ZZZ3: variants seen among roughly 807,000 people sequenced by gnomAD.
ZZZ3 encodes zinc finger ZZ-type containing 3, also known as ZZ-type zinc finger-containing protein 3.
Under a neutral mutation model 95.2 loss-of-function variants are expected in ZZZ3, and 22 were observed. The observed-to-expected ratio is 0.23, with a 90% CI of 0.17 to 0.33. The LOEUF is 0.33. ZZZ3 is among the 10% of genes least tolerant of loss of function. The pLI is 1.00. For missense variants in ZZZ3, 885 were observed against 1,066.5 expected (o/e 0.83, Z 2.37); for synonymous variants, 335 against 358.9 (o/e 0.93, Z 0.75).
intron 5 of ZZZ3, among the ~76,000 whole-genome samples, chr1:77,605,223 T>C (rs2100697304): frequency 6.6e-6 from 1 of 152,276 alleles, no homozygotes; most frequent in South Asian, 2.1e-4. Flanking sequence ...AGAAAATCTA[T>C]GATTAATGAG....
intron 5 of ZZZ3, among the ~76,000 whole-genome samples, chr1:77,601,128 T>C (rs1362059403): frequency 6.6e-6 from 1 of 152,108 alleles, no homozygotes; most frequent in Non-Finnish European, 1.5e-5. Context: ...AAAAGGTAAG[T>C]AGGGTGAATT....
chr1:77,593,133 G>T (rs556893354), intron 5 of ZZZ3, among the ~76,000 whole-genome samples: 24 of 152,240 alleles, frequency 1.6e-4, no homozygotes, highest in African/African-American at 5.5e-4. Flanking sequence ...ATCCTGAAAG[G>T]CTATACCTTA....
intron 1 of ZZZ3, among the ~76,000 whole-genome samples, chr1:77,666,149 A>G (rs1671234000): frequency 6.6e-6 from 1 of 152,270 alleles, no homozygotes; most frequent in South Asian, 2.1e-4. Flanking sequence ...AATGTAATTA[A>G]GTTAAGCAGC....
At chr1:77,580,479 T>C (rs1023447338) in intron 9 of ZZZ3, 2 of 152,274 alleles carry the variant, frequency 1.3e-5, no homozygotes, top group African/African-American at 4.8e-5. Flanking sequence ...CCCAGGTTCC[T>C]TCTTTTAAAA....
Position 77,632,509 on chromosome 1 carries a change from T to C in ZZZ3, c.846A>G (p.Ile282Met). Residue 282 changes from isoleucine to methionine, a missense_variant, in exon 5 of 15, where the codon ATA (isoleucine) becomes ATG (methionine). By Grantham distance (10) the Ile-to-Met change is conservative (BLOSUM62 1). Around this residue, in one of 5 missense-constraint regions of ZZZ3, gnomAD observed 556 missense variants for 652.9 expected, o/e 0.85. Coordinates refer to ENST00000370801, the MANE Select transcript of ZZZ3 (RefSeq NM_015534.6). ...QVQVKLEDHK[I>M]VTACLPVEHV... ...GTTCCACAGGCAAGCAGGCAGTTACTATTTTGTGGTCCTCCAACTTGACCT... is the reference window on the plus strand; with the variant it reads ...GTTCCACAGGCAAGCAGGCAGTTACCATTTTGTGGTCCTCCAACTTGACCT... The C allele has an allele frequency of 6.2e-7, 1 of 1,614,184 alleles. No individual in the cohort carries two copies. The highest frequency in any genetic ancestry group is 1.1e-5 in the South Asian group (1 of 91,086).
chr1:77,650,525 G>A (rs566704477), intron 1 of ZZZ3, among the ~76,000 whole-genome samples: 3 of 152,016 alleles, frequency 2.0e-5, no homozygotes, highest in African/African-American at 7.2e-5. Context: ...AGTCAAAGAA[G>A]AAATCAAAGG....
At chr1:77,583,584 AT>A (rs1345212705) in intron 6 of ZZZ3, among the ~76,000 whole-genome samples, 1 of 152,186 alleles carries the variant, frequency 6.6e-6, no homozygotes, top group Non-Finnish European at 1.5e-5. Context: ...ACCTAGGAAA[AT>A]TCAAATAATA....
chr1:77,679,247 C>G (rs1672533892), intron 1 of ZZZ3, among the ~76,000 whole-genome samples: 2 of 152,124 alleles, frequency 1.3e-5, no homozygotes, highest in Admixed American at 1.3e-4. Context: ...TGAAACTCTT[C>G]TAGCAACTAT....
chr1:77,671,156 C>T (rs1352681721), intron 1 of ZZZ3, among the ~76,000 whole-genome samples: 1 of 152,132 alleles, frequency 6.6e-6, no homozygotes, highest in Admixed American at 6.5e-5. Context: ...TGAAATCCTC[C>T]TCATTTTTCC....
At chr1:77,624,465 T>G (rs1258532751) in intron 5 of ZZZ3, among the ~76,000 whole-genome samples, 10 of 135,528 alleles carry the variant, frequency 7.4e-5, no homozygotes, top group Admixed American at 5.8e-4. Flanking sequence ...GCCTGAGAAA[T>G]GAAGCTCCAT....
At chr1:77,627,912 A>C (rs983016149) in intron 5 of ZZZ3, among the ~76,000 whole-genome samples, 5 of 152,212 alleles carry the variant, frequency 3.3e-5, no homozygotes, top group African/African-American at 1.2e-4. Context: ...TTTCAAACAC[A>C]AATTTATTTA....
intron 1 of ZZZ3, chr1:77,677,291 T>C (rs1672352699): frequency 6.6e-6 from 1 of 152,232 alleles, no homozygotes; most frequent in Non-Finnish European, 1.5e-5. Context: ...TGAGCCGAGA[T>C]GGTGCCACTG....
In ZZZ3 at chr1:77,582,119, A is replaced by T. The variant is rs373490606; in HGVS notation, c.1652T>A (p.Ile551Asn). 3.1e-6 allele frequency: 5 copies of T among 1,602,540 alleles called. No individual in the cohort carries two copies. In the African/African-American group the frequency reaches 5.4e-5, roughly 17 times the overall value. Reference sequence around the variant, plus strand: ...AACTCTCTGTGGATATGGAAGCCCAATATCAGCCTGGAGGCAGGGGAGAAA... The same window carrying T: ...AACTCTCTGTGGATATGGAAGCCCATTATCAGCCTGGAGGCAGGGGAGAAA... ...FVEKLQKKAD[I>N]GLPYPQRVVQ... Residue 551 changes from isoleucine (I) to asparagine (N), a missense_variant, in exon 7 of 15, where the codon ATT (isoleucine) becomes AAT (asparagine). Around this residue, in one of 5 missense-constraint regions of ZZZ3, gnomAD observed 556 missense variants for 652.9 expected, o/e 0.85. Coordinates refer to ENST00000370801, the MANE Select transcript of ZZZ3 (RefSeq NM_015534.6).
At chr1:77,680,586 C>T (rs1157182001) in intron 1 of ZZZ3, among the ~76,000 whole-genome samples, 2 of 152,040 alleles carry the variant, frequency 1.3e-5, no homozygotes, top group African/African-American at 2.4e-5. Context: ...GTAGGTTTGG[C>T]GGGGGGAAAT....
At chr1:77,625,608 T>C (rs11162372) in intron 5 of ZZZ3, among the ~76,000 whole-genome samples, 105,380 of 151,868 alleles carry the variant, frequency 0.69, 37,130 homozygotes, top group Non-Finnish European at 0.76. Context: ...AAATAATTTA[T>C]CACAGGAAAA....
chr1:77,674,943 C>A, intron 1 of ZZZ3, among the ~76,000 whole-genome samples: 1 of 144,654 alleles, frequency 6.9e-6, no homozygotes. Flanking sequence ...CAGAGTAAGA[C>A]TCGGTCTCAA....
At chr1:77,657,903 G>A (rs1670416157) in intron 1 of ZZZ3, among the ~76,000 whole-genome samples, 2 of 149,282 alleles carry the variant, frequency 1.3e-5, no homozygotes, top group South Asian at 4.2e-4. Context: ...GTAGGTCTGG[G>A]TGCGGTGGCT....
At chr1:77,586,942 T>C (rs964050633) in intron 5 of ZZZ3, among the ~76,000 whole-genome samples, 4 of 152,190 alleles carry the variant, frequency 2.6e-5, no homozygotes, top group African/African-American at 9.6e-5. Context: ...ACAAGCAAAC[T>C]ACAGAAGCTG....
intron 13 of ZZZ3, among the ~76,000 whole-genome samples, chr1:77,567,550 T>C (rs1314388497): frequency 6.6e-6 from 1 of 152,218 alleles, no homozygotes; most frequent in Non-Finnish European, 1.5e-5. Context: ...GTGAGCTCCT[T>C]GGCAAAATTT....
Sources: allele counts gnomAD v4.1 joint callset (sites outside exome capture counted in the v4.1 genomes callset), GRCh38; gene constraint gnomAD v4.1.1; regional missense constraint gnomAD v4.1.1; transcripts MANE v1.5; gene names NCBI Gene and HGNC (gene_info 2026-07-23, HGNC 2026-07-21).